MAP4K3: variants seen among roughly 807,000 people sequenced by gnomAD.
MAP4K3 encodes MAPK/ERK kinase kinase kinase 3.
In MAP4K3, 94 loss-of-function variants were observed where a neutral mutation model predicts 143.5. That is an observed-to-expected ratio of 0.65 (90% CI 0.55 to 0.78). The LOEUF (loss-of-function observed/expected upper bound fraction) is 0.78. MAP4K3 is among the 30% of genes least tolerant of loss of function. MAP4K3 has a pLI of 0.00. For synonymous variants in MAP4K3, 416 were observed against 347.2 expected (o/e 1.20, Z -2.20); for missense variants, 1,077 against 1,068.1 (o/e 1.01, Z -0.12).
chr2:39,419,239 G>T (rs1424110728), intron 1 of MAP4K3, among the ~76,000 whole-genome samples: 1 of 151,518 alleles, frequency 6.6e-6, no homozygotes, highest in South Asian at 2.1e-4. Flanking sequence ...GCAAACAATA[G>T]TGTTAAAAAA....
chr2:39,404,176 A>T (rs1444833195), intron 1 of MAP4K3, among the ~76,000 whole-genome samples: 1 of 151,204 alleles, frequency 6.6e-6, no homozygotes, highest in Non-Finnish European at 1.5e-5. Flanking sequence ...ACAGTGAAAG[A>T]CTCCTGCTTG....
Position 39,265,185 on chromosome 2 carries a change from T to C in MAP4K3, c.2136+18A>G, listed in dbSNP as rs553103258. On this transcript the variant is annotated intron_variant, in intron 28 of 33. Coordinates refer to ENST00000263881, the MANE Select transcript of MAP4K3 (RefSeq NM_003618.4). ...AGCTTTTATAGTAAGAATAAGATAGTCTGACTTTTATGCTTACCTTAATTA... is the reference window on the plus strand; with the variant it reads ...AGCTTTTATAGTAAGAATAAGATAGCCTGACTTTTATGCTTACCTTAATTA... 6 of 1,452,754 alleles carry C rather than the reference T, an allele frequency of 4.1e-6. No homozygotes were observed. Among genetic ancestry groups the C allele is most frequent in the Non-Finnish European group, 4.8e-6 (5 of 1,035,740 alleles). The allele number at this position is 1,452,754 out of a possible 1,614,324, so 90.0% of individuals were successfully genotyped here.
At chr2:39,287,290 T>A (rs1001508878) in intron 20 of MAP4K3, among the ~76,000 whole-genome samples, 2 of 98,790 alleles carry the variant, frequency 2.0e-5, no homozygotes, top group Non-Finnish European at 1.9e-5. Context: ...CAAGAAACTT[T>A]AGTTGCTCTT....
At chr2:39,377,941 A>G in intron 2 of MAP4K3, 125 bp downstream of exon 2, 1 of 661,198 alleles carries the variant, frequency 1.5e-6, no homozygotes, top group Non-Finnish European at 2.7e-6. Context: ...AGGGCATACA[A>G]GCAGCTCTAT....
chr2:39,383,404 G>A (rs1276034641), intron 1 of MAP4K3, among the ~76,000 whole-genome samples: 2 of 61,438 alleles, frequency 3.3e-5, no homozygotes, highest in South Asian at 1.1e-3. Context: ...GGTAATCACC[G>A]CCATGATTCA....
intron 20 of MAP4K3, among the ~76,000 whole-genome samples, chr2:39,287,296 C>G (rs532691970): frequency 1.3e-4 from 1 of 7,704 alleles, no homozygotes; most frequent in Non-Finnish European, 2.5e-4. Context: ...ACTTTAGTTG[C>G]TCTTTTTTTT....
chr2:39,369,567 C>G (rs184826040), intron 2 of MAP4K3, among the ~76,000 whole-genome samples: 1 of 152,182 alleles, frequency 6.6e-6, no homozygotes, highest in Non-Finnish European at 1.5e-5. Context: ...TCCAAACAGG[C>G]CTAGTACTTT....
chr2:39,277,909 C>G (rs764994139), intron 24 of MAP4K3, among the ~76,000 whole-genome samples: 4 of 151,618 alleles, frequency 2.6e-5, no homozygotes, highest in Non-Finnish European at 5.9e-5. Context: ...TGGGGTGGCT[C>G]ATATCTATAA....
chr2:39,326,454 T>G (rs1455074378), intron 8 of MAP4K3, among the ~76,000 whole-genome samples, 177 bp from the exon 9 acceptor site: 1 of 152,174 alleles, frequency 6.6e-6, no homozygotes, highest in African/African-American at 2.4e-5. Context: ...TGACATCTCA[T>G]AAGACCCTCA....
At chr2:39,335,209 A>G (rs1295564790) in intron 6 of MAP4K3, among the ~76,000 whole-genome samples, 2 of 152,168 alleles carry the variant, frequency 1.3e-5, no homozygotes, top group Non-Finnish European at 2.9e-5. Context: ...ACTGAGTACA[A>G]TGGGAAAGCA....
chr2:39,259,421 C>G (rs1413132554), intron 29 of MAP4K3, among the ~76,000 whole-genome samples: 1 of 152,158 alleles, frequency 6.6e-6, no homozygotes, highest in Non-Finnish European at 1.5e-5. Context: ...AATGATCACT[C>G]TTACCAATAC....
chr2:39,404,680 G>A lies in MAP4K3; in HGVS notation c.97-26557C>T, dbSNP rs574751132. Among the ~76,000 whole-genome samples the A allele has an allele frequency of 2.7e-5, 4 of 146,214 alleles. No homozygotes were observed. The South Asian group carries it at 8.7e-4, about 32-fold the overall frequency. ...CTTATTGCCCAGGCTGGAGTGCAAC[G>A]GCACGATCTCGGCTGACCACAACCT... On this transcript the variant is annotated intron_variant, in intron 1 of 33. Coordinates refer to ENST00000263881, the MANE Select transcript of MAP4K3 (RefSeq NM_003618.4).
rs1277256143 is a variant in MAP4K3 at position 39,405,449 on chromosome 2, C to T, written c.97-27326G>A. On this transcript the variant is annotated intron_variant, in intron 1 of 33. Coordinates refer to ENST00000263881, the MANE Select transcript of MAP4K3 (RefSeq NM_003618.4). ...ATCTGCAAGGCCTTCCCAAGAAAGA[C>T]AAATACAAACAAGCCCAGACTAGAA... 6.6e-5 allele frequency among the ~76,000 whole-genome samples: 10 copies of T among 152,222 alleles called. No individual in the cohort carries two copies. In the East Asian group the frequency reaches 1.5e-3, roughly 24 times the overall value.
intron 1 of MAP4K3, among the ~76,000 whole-genome samples, chr2:39,398,735 AATAATAATAATGATG>A (rs1021194492): frequency 7.0e-6 from 1 of 142,690 alleles, no homozygotes; most frequent in African/African-American, 2.8e-5. Flanking sequence ...TAATAATAAT[AATAATAATAATGATG>A]ATGATAATAA....
chr2:39,363,668 CAAAAAA>C (rs34083007), intron 2 of MAP4K3, among the ~76,000 whole-genome samples: 1 of 83,742 alleles, frequency 1.2e-5, no homozygotes, highest in Admixed American at 1.5e-4. Context: ...GACTCTGTCT[CAAAAAA>C]AAAAAAAAAA....
At chr2:39,432,993 A>G (rs983566751) in intron 1 of MAP4K3, among the ~76,000 whole-genome samples, 3 of 152,256 alleles carry the variant, frequency 2.0e-5, no homozygotes, top group Non-Finnish European at 2.9e-5. Flanking sequence ...TGTATTACAG[A>G]GAAAAAGAAT....
rs142695634 is a variant in MAP4K3 at position 39,413,019 on chromosome 2, C to T, written c.96+23873G>A. ...TGTCTATTACATGCAACTAACTTGT[C>T]TACCTCACTGAAGTGACTAACGAGG... On this transcript the variant is annotated intron_variant, in intron 1 of 33. Coordinates refer to ENST00000263881, the MANE Select transcript of MAP4K3 (RefSeq NM_003618.4). Among the ~76,000 whole-genome samples the T allele has an allele frequency of 4.5e-3, 687 of 152,266 alleles. 3 individuals carry two copies. Among genetic ancestry groups the T allele is most frequent in the Admixed American group, 9.4e-3 (143 of 15,294 alleles).
At chr2:39,309,368 T>A in intron 14 of MAP4K3, 93 bp downstream of exon 14, 1 of 882,610 alleles carries the variant, frequency 1.1e-6, no homozygotes. Flanking sequence ...AAAATATTAA[T>A]GACTAGCTTT....
intron 12 of MAP4K3, among the ~76,000 whole-genome samples, chr2:39,320,261 A>T (rs1683257877): frequency 6.6e-6 from 1 of 152,234 alleles, no homozygotes; most frequent in East Asian, 1.9e-4. Context: ...TGCAGAGAAG[A>T]CTGCAATTTA....
Sources: gnomAD v4.1 joint callset for allele counts (sites outside exome capture counted in the v4.1 genomes callset) on GRCh38, gnomAD v4.1.1 for gene constraint, MANE v1.5 for transcripts, NCBI Gene and HGNC (gene_info 2026-07-23, HGNC 2026-07-21) for gene names.